The following CTH variants were observed in gnomAD, a reference collection of about 807,000 sequenced individuals.
CTH encodes the protein cystathionine gamma-lyase.
CTH carries 41 observed loss-of-function variants against 50.6 expected under a neutral mutation model. The ratio of observed to expected loss-of-function variants is 0.81; its 90% confidence interval spans 0.63 to 1.05. The LOEUF (loss-of-function observed/expected upper bound fraction) is 1.05, where lower values mean the gene tolerates loss of function less well. Among genes scored for constraint, CTH ranks in the 50% least tolerant of loss-of-function variants. The probability of loss-of-function intolerance (pLI) is 0.00; values close to 1 mark genes in which losing one functional copy is unlikely to be tolerated. For synonymous variants in CTH, 156 were observed against 168.9 expected (o/e 0.92, Z 0.59); for missense variants, 470 against 492.6 (o/e 0.95, Z 0.43).
intron 6 of CTH, 35 bp downstream of exon 6, chr1:70,429,886 A>T (rs1343696133): frequency 8.1e-6 from 12 of 1,477,086 alleles, no homozygotes; most frequent in Non-Finnish European, 1.1e-5. Flanking sequence ...TTTTTCATGG[A>T]TAGGTGAAAA....
At chr1:70,418,504 C>T (rs1346124113) in intron 3 of CTH, among the ~76,000 whole-genome samples, 1 of 152,182 alleles carries the variant, frequency 6.6e-6, no homozygotes, top group Non-Finnish European at 1.5e-5. Flanking sequence ...CCCTCTCCAG[C>T]CTCCCAAAGT....
chr1:70,433,197 G>A (rs1684518900), intron 8 of CTH, among the ~76,000 whole-genome samples: 1 of 152,016 alleles, frequency 6.6e-6, no homozygotes, highest in Non-Finnish European at 1.5e-5. Flanking sequence ...AATTAAGACT[G>A]GAATTTCACT....
chr1:70,432,045 C>T, intron 7 of CTH, 38 bp from the exon 8 acceptor site: 2 of 1,612,440 alleles, frequency 1.2e-6, no homozygotes, highest in Non-Finnish European at 8.5e-7. Context: ...TGGCCATACC[C>T]TGCCTTCAAA....
At chr1:70,411,641 T>C in intron 1 of CTH, 58 bp downstream of exon 1, 1 of 1,575,236 alleles carries the variant, frequency 6.3e-7, no homozygotes, top group Non-Finnish European at 8.6e-7. Flanking sequence ...ATACGGCTTA[T>C]GAATTTGAAA....
In CTH at chr1:70,423,607, A is replaced by G. The variant is rs187638949; in HGVS notation, c.457-678A>G. Among the ~76,000 whole-genome samples, 198 of 151,890 alleles carry G rather than the reference A, an allele frequency of 1.3e-3. 1 individual carries two copies. Among genetic ancestry groups the G allele is most frequent in the Non-Finnish European group, 1.6e-3 (108 of 67,954 alleles). On this transcript the variant is annotated intron_variant, in intron 4 of 11. Transcript: ENST00000370938. ...AAAGAAAGTAATTCAGTACAATGGCATTTCGTTCAACAAATAGAATTCTTT... is the reference window on the plus strand; with the variant it reads ...AAAGAAAGTAATTCAGTACAATGGCGTTTCGTTCAACAAATAGAATTCTTT...
intron 5 of CTH, among the ~76,000 whole-genome samples, chr1:70,427,066 G>T (rs1340593109): frequency 6.6e-6 from 1 of 152,034 alleles, no homozygotes; most frequent in Non-Finnish European, 1.5e-5. Context: ...ACTCAGAATC[G>T]CATCATCCCT....
At chr1:70,435,266 C>A in intron 10 of CTH, 89 bp downstream of exon 10, 2 of 1,221,534 alleles carry the variant, frequency 1.6e-6, no homozygotes, top group Non-Finnish European at 2.3e-6. Context: ...AGGGATAATT[C>A]AAGATATTTA....
Position 70,411,294 on chromosome 1 carries a change from T to C in CTH, c.-122T>C. ...CCGCTTTAGTGCGCTCGCCGTCGGC[T>C]CTACCTGCGTGCTTTAGCTCCTTCT... On this transcript the variant is annotated 5_prime_UTR_variant, in exon 1 of 12. Coordinates refer to ENST00000370938, the MANE Select transcript of CTH (RefSeq NM_001902.6). 1.0e-6 allele frequency: 1 copy of C among 987,336 alleles called. No homozygotes were observed. The highest frequency in any genetic ancestry group is 1.6e-6 in the Non-Finnish European group (1 of 608,956). The allele number at this position is 987,336 out of a possible 1,614,324, so 61.2% of individuals were successfully genotyped here. A position where few individuals can be genotyped will look rare whatever the true frequency, so the allele number is the denominator to read the frequency against.
chr1:70,438,965 A>G, intron 11 of CTH, 136 bp from the exon 12 acceptor site: 3 of 1,574,274 alleles, frequency 1.9e-6, no homozygotes, highest in Non-Finnish European at 2.6e-6. Context: ...GACCAGGTGT[A>G]TAAATAAACG....
intron 1 of CTH, among the ~76,000 whole-genome samples, chr1:70,412,206 T>G (rs558414065): frequency 2.0e-5 from 3 of 152,230 alleles, no homozygotes; most frequent in African/African-American, 4.8e-5. Context: ...TTGAGGTTGC[T>G]TTAGGAACCA....
intron 5 of CTH, among the ~76,000 whole-genome samples, chr1:70,425,121 G>T (rs972310835): frequency 1.3e-5 from 2 of 152,034 alleles, no homozygotes; most frequent in African/African-American, 4.8e-5. Flanking sequence ...GATGCTCAAT[G>T]ATTTCAGTAT....
At chr1:70,419,771 G>A (rs976301834) in intron 3 of CTH, among the ~76,000 whole-genome samples, 1 of 152,178 alleles carries the variant, frequency 6.6e-6, no homozygotes, top group African/African-American at 2.4e-5. Context: ...ATGTGGAGAA[G>A]ACAGGCTTGC....
chr1:70,414,716 C>G lies in CTH; in HGVS notation c.169-1240C>G, dbSNP rs1572250785. Among the ~76,000 whole-genome samples, 9 of 152,230 alleles carry G rather than the reference C, an allele frequency of 5.9e-5. 1 individual carries two copies. The South Asian group carries it at 1.9e-3, about 32-fold the overall frequency. On this transcript the variant is annotated intron_variant, in intron 1 of 11. Transcript: ENST00000370938. Reference sequence around the variant, plus strand: ...ATCCGGTTTTGACACTCCCTAGGTACTATTGCATTTGGCTTCACTTTCCTC... The same window carrying G: ...ATCCGGTTTTGACACTCCCTAGGTAGTATTGCATTTGGCTTCACTTTCCTC...
chr1:70,432,661 C>T (rs1303829398), intron 8 of CTH, among the ~76,000 whole-genome samples: 1 of 149,202 alleles, frequency 6.7e-6, no homozygotes, highest in African/African-American at 2.5e-5. Context: ...TGCTAAAATT[C>T]CCCTGAGGTT....
chr1:70,417,420 G>T (rs1480040887), intron 2 of CTH, among the ~76,000 whole-genome samples: 1 of 152,006 alleles, frequency 6.6e-6, no homozygotes, highest in African/African-American at 2.4e-5. Flanking sequence ...TCGTAGCTGG[G>T]ATTACAGGCA....
Position 70,433,955 on chromosome 1 carries a change from CT to C in CTH, c.999+8del, listed in dbSNP as rs1055972502. 1 of 1,613,620 alleles carries C rather than the reference CT, an allele frequency of 6.2e-7. No homozygotes were observed. The highest frequency in any genetic ancestry group is 1.3e-5 in the African/African-American group (1 of 74,884). On this transcript the variant is annotated splice_region_variant and intron_variant, in intron 9 of 11. Transcript: ENST00000370938. ...TTTTCCTCAAGAACCTAAAGGTAAACTTACAAAATAGGTTTAAAATTGTAGG... is the reference window on the plus strand; with the variant it reads ...TTTTCCTCAAGAACCTAAAGGTAAACTACAAAATAGGTTTAAAATTGTAGG...
chr1:70,416,720 C>T (rs567510909), intron 2 of CTH, among the ~76,000 whole-genome samples: 6 of 152,116 alleles, frequency 3.9e-5, no homozygotes, highest in South Asian at 2.1e-4. Flanking sequence ...CCTGCCACCA[C>T]GCCCAGCTAA....
At chr1:70,437,923 C>T (rs542757577) in intron 10 of CTH, among the ~76,000 whole-genome samples, 1 of 152,274 alleles carries the variant, frequency 6.6e-6, no homozygotes, top group Admixed American at 6.5e-5. Flanking sequence ...TGGAACTTGG[C>T]AGTCTTTTTG....
At chr1:70,425,316 C>T (rs1684324150) in intron 5 of CTH, among the ~76,000 whole-genome samples, 1 of 152,102 alleles carries the variant, frequency 6.6e-6, no homozygotes, top group African/African-American at 2.4e-5. Flanking sequence ...ATACTATAAA[C>T]TGGGTGGCTT....
Sources: gnomAD v4.1 joint callset for allele counts (sites outside exome capture counted in the v4.1 genomes callset) on GRCh38, gnomAD v4.1.1 for gene constraint, MANE v1.5 for transcripts, NCBI Gene and HGNC (gene_info 2026-07-23, HGNC 2026-07-21) for gene names.